Variants in RARB observed in about 807,000 individuals in gnomAD.
RARB encodes HBV-activated protein.
Under a neutral mutation model 51.9 loss-of-function variants are expected in RARB, and 17 were observed. The ratio of observed to expected loss-of-function variants is 0.33; its 90% CI spans 0.22 to 0.49. The LOEUF (loss-of-function observed/expected upper bound fraction) is 0.49. Ranked by LOEUF, RARB falls within the 20% of genes least tolerant of loss-of-function variation. The pLI, the probability that RARB is intolerant of heterozygous loss-of-function variation, is 0.99. For missense variants in RARB, 369 were observed against 550.8 expected (o/e 0.67, Z 3.30); for synonymous variants, 215 against 195.4 (o/e 1.10, Z -0.84).
chr3:25,210,131 CA>C (rs1272872154), intron 5 of RARB, among the ~76,000 whole-genome samples: 1 of 152,022 alleles, frequency 6.6e-6, no homozygotes, highest in East Asian at 1.9e-4. Flanking sequence ...CAATTTAAGA[CA>C]GAAAATAATA....
rs9836368 is a variant in RARB, at chr3:25,369,532, C to A, written c.179-91661C>A. Among the ~76,000 whole-genome samples, 448 of 152,270 alleles carry A rather than the reference C, an allele frequency of 2.9e-3. 3 individuals are homozygous for A. Among genetic ancestry groups the A allele is most frequent in the African/African-American group, 0.01 (433 of 41,552 alleles). ...CAAAGAAATATTTGGCAGTATTTGCCAAAATTTAAAATGAATACCTATTCC... is the reference window on the plus strand; with the variant it reads ...CAAAGAAATATTTGGCAGTATTTGCAAAAATTTAAAATGAATACCTATTCC... On this transcript the variant is annotated intron_variant, in intron 5 of 11. Transcript: ENST00000383772.
chr3:24,852,482 T>C (rs1702572876), intron 1 of RARB, among the ~76,000 whole-genome samples: 2 of 152,192 alleles, frequency 1.3e-5, no homozygotes, highest in Non-Finnish European at 2.9e-5. Context: ...TAGATTGACT[T>C]TATGACCCAG....
intron 5 of RARB, among the ~76,000 whole-genome samples, chr3:25,295,773 C>T (rs1681550): frequency 0.13 from 20,217 of 152,182 alleles, 1,608 homozygotes; most frequent in South Asian, 0.22. Context: ...AAGACACTCA[C>T]ATGCTAGATA....
In RARB at chr3:24,829,840, T is replaced by A. The variant is rs556805472; in HGVS notation, c.-459+437T>A. Among the ~76,000 whole-genome samples the A allele has an allele frequency of 3.3e-5, 5 of 152,316 alleles. No individual in the cohort carries two copies. In the South Asian group the frequency reaches 1.0e-3, roughly 32 times the overall value. ...CGCGTCCCTGCCGGGTCCAGCGCTG[T>A]CCTGCGCACCTTAGGGCTGGGCACG... On this transcript the variant is annotated intron_variant, in intron 1 of 11. Coordinates refer to the RARB transcript ENST00000383772.
chr3:25,367,570 C>G (rs997945978), intron 5 of RARB, among the ~76,000 whole-genome samples: 3 of 151,328 alleles, frequency 2.0e-5, no homozygotes, highest in Admixed American at 1.3e-4. Context: ...AACCTCATTA[C>G]TTTGGGAGGC....
chr3:24,846,974 A>C (rs998917019), intron 1 of RARB, among the ~76,000 whole-genome samples: 2 of 152,186 alleles, frequency 1.3e-5, no homozygotes, highest in African/African-American at 4.8e-5. Context: ...CAAATTCGTA[A>C]GAGTGTCTTC....
chr3:25,135,666 T>A (rs797021149), intron 4 of RARB, among the ~76,000 whole-genome samples: 28 of 152,030 alleles, frequency 1.8e-4, no homozygotes, highest in African/African-American at 6.5e-4. Flanking sequence ...AGCTAAATGG[T>A]AGGAAGAAAA....
intron 2 of RARB, among the ~76,000 whole-genome samples, chr3:25,004,088 C>T (rs560111971): frequency 2.0e-4 from 30 of 152,202 alleles, no homozygotes; most frequent in African/African-American, 6.3e-4. Flanking sequence ...TGGAGCTTCA[C>T]GGACTCAAGT....
chr3:25,503,422 G>C, intron 3 of RARB, among the ~76,000 whole-genome samples: 1 of 152,092 alleles, frequency 6.6e-6, no homozygotes, highest in Non-Finnish European at 1.5e-5. Context: ...CAGTACTTTT[G>C]CATTATTTTG....
At chr3:25,545,575 C>T (rs566054523) in intron 3 of RARB, among the ~76,000 whole-genome samples, 47 of 152,274 alleles carry the variant, frequency 3.1e-4, no homozygotes, top group African/African-American at 1.1e-3. Context: ...CCTGTGTGTG[C>T]GGTTGGCATT....
At chr3:25,045,046 G>A (rs987417616) in intron 2 of RARB, among the ~76,000 whole-genome samples, 6 of 152,278 alleles carry the variant, frequency 3.9e-5, no homozygotes, top group East Asian at 1.9e-4. Flanking sequence ...GACAAGTTTC[G>A]AAAACCTAAA....
chr3:25,496,091 A>C (rs1473566058), intron 2 of RARB, among the ~76,000 whole-genome samples: 1 of 152,254 alleles, frequency 6.6e-6, no homozygotes, highest in Non-Finnish European at 1.5e-5. Flanking sequence ...AATACATTTA[A>C]GAAACTAAGG....
At chr3:25,061,916 T>A (rs1018592620) in intron 3 of RARB, among the ~76,000 whole-genome samples, 2 of 151,682 alleles carry the variant, frequency 1.3e-5, no homozygotes, top group African/African-American at 4.8e-5. Context: ...GGCACTGGCA[T>A]AAGAGTAAAG....
intron 2 of RARB, among the ~76,000 whole-genome samples, chr3:25,481,832 A>G (rs187042893): frequency 1.3e-5 from 2 of 152,354 alleles, no homozygotes; most frequent in East Asian, 1.9e-4. Flanking sequence ...ACTAGTAATC[A>G]TAATAACAGC....
chr3:24,882,434 G>T (rs1477339281), intron 2 of RARB, among the ~76,000 whole-genome samples: 1 of 152,190 alleles, frequency 6.6e-6, no homozygotes. Flanking sequence ...GAAGTATATG[G>T]AAGGGTAGGC....
At chr3:25,494,644 G>A (rs962140391) in intron 2 of RARB, among the ~76,000 whole-genome samples, 2 of 152,144 alleles carry the variant, frequency 1.3e-5, no homozygotes, top group African/African-American at 4.8e-5. Context: ...AACCACCTTT[G>A]TATGCTCCAA....
At chr3:25,174,193 C>G in exon 5 of RARB, 1 of 261,596 alleles carries the variant, frequency 3.8e-6, no homozygotes. Flanking sequence ...ACGAAAGCAT[C>G]CTTCCTGTAA....
At chr3:25,455,085 A>G (rs1252971577) in intron 1 of RARB, among the ~76,000 whole-genome samples, 1 of 152,214 alleles carries the variant, frequency 6.6e-6, no homozygotes, top group Non-Finnish European at 1.5e-5. Context: ...AAGTCCTTTT[A>G]GAGGACTGTT....
At chr3:24,938,274 T>C (rs1475964000) in intron 2 of RARB, among the ~76,000 whole-genome samples, 1 of 152,140 alleles carries the variant, frequency 6.6e-6, no homozygotes, top group Admixed American at 6.6e-5. Flanking sequence ...ATCTATTCCC[T>C]CCCACTTAAA....
Sources: allele counts gnomAD v4.1 joint callset (sites outside exome capture counted in the v4.1 genomes callset), GRCh38; gene constraint gnomAD v4.1.1; transcripts MANE v1.5; gene names NCBI Gene and HGNC (gene_info 2026-07-23, HGNC 2026-07-21).